RSF1: variants seen among roughly 807,000 people sequenced by gnomAD.
RSF1 encodes the protein HBV pX-associated protein 8.
A neutral mutation model predicts 145.2 loss-of-function variants in RSF1; 13 were observed. The ratio of observed to expected loss-of-function variants is 0.09; its 90% CI spans 0.06 to 0.14. The LOEUF is 0.14. Ranked by LOEUF, RSF1 falls within the 10% of genes least tolerant of loss-of-function variation. The pLI is 1.00. For synonymous variants in RSF1, 577 were observed against 592.6 expected (o/e 0.97, Z 0.38); for missense variants, 1,517 against 1,718.2 (o/e 0.88, Z 2.07).
At chr11:77,754,357 T>G (rs938648690) in intron 2 of RSF1, among the ~76,000 whole-genome samples, 4 of 152,094 alleles carry the variant, frequency 2.6e-5, no homozygotes, top group African/African-American at 9.7e-5. Flanking sequence ...ATCCCAACAC[T>G]TTGGGAGGCT....
At position 77,665,914 on chromosome 11, in the gene RSF1, C is replaced by G. The variant is rs1423151924; in HGVS notation, c.*1003G>C. On this transcript the variant is annotated 3_prime_UTR_variant, in exon 16 of 16. Transcript: ENST00000308488. ...TTAAAATTCACCTGAAAATCTCTTC[C>G]CAGTCTTCAAATGTGCTAAAATATC... 1 of 152,168 alleles carries G rather than the reference C, an allele frequency of 6.6e-6. No individual in the cohort carries two copies. Among genetic ancestry groups the G allele is most frequent in the Non-Finnish European group, 1.5e-5 (1 of 68,030 alleles). The allele number at this position is 152,168 out of a possible 1,614,324, so 9.4% of individuals were successfully genotyped here.
chr11:77,676,665 A>C, intron 13 of RSF1, 127 bp downstream of exon 13: 2 of 684,348 alleles, frequency 2.9e-6, no homozygotes, highest in Non-Finnish European at 4.7e-6. Flanking sequence ...ATATCCTGAA[A>C]ATAAACAGAG....
At chr11:77,788,111 T>TAG (rs1357971169) in intron 1 of RSF1, among the ~76,000 whole-genome samples, 1 of 108,980 alleles carries the variant, frequency 9.2e-6, no homozygotes, top group Non-Finnish European at 1.7e-5. Context: ...CACTGTAGTC[T>TAG]AACCTGGGCA....
intron 5 of RSF1, among the ~76,000 whole-genome samples, chr11:77,708,394 C>A (rs1228952979): frequency 6.6e-6 from 1 of 152,176 alleles, no homozygotes; most frequent in Non-Finnish European, 1.5e-5. Context: ...CACGCCAGTG[C>A]ACTCCAGTCT....
chr11:77,808,768 C>T (rs1356237482), intron 1 of RSF1, among the ~76,000 whole-genome samples: 12 of 105,088 alleles, frequency 1.1e-4, no homozygotes, highest in Non-Finnish European at 5.4e-5. Flanking sequence ...CTCCTGACCT[C>T]GTGATCCGCC....
At chr11:77,700,259 G>A (rs928409690) in intron 6 of RSF1, among the ~76,000 whole-genome samples, 1 of 138,146 alleles carries the variant, frequency 7.2e-6, no homozygotes, top group South Asian at 2.3e-4. Context: ...ACTGAGGCAA[G>A]AGAATCGCTT....
intron 5 of RSF1, among the ~76,000 whole-genome samples, chr11:77,712,781 A>G (rs372655050): frequency 6.6e-6 from 1 of 152,210 alleles, no homozygotes; most frequent in East Asian, 1.9e-4. Flanking sequence ...TTGTACTTAC[A>G]TAAGTCTGAA....
intron 1 of RSF1, among the ~76,000 whole-genome samples, chr11:77,816,579 T>G (rs566140388): frequency 5.9e-5 from 9 of 152,374 alleles, no homozygotes; most frequent in African/African-American, 2.2e-4. Context: ...ACATTATCTG[T>G]ATTTACCTTA....
At chr11:77,788,203 A>G (rs1948479968) in intron 1 of RSF1, among the ~76,000 whole-genome samples, 1 of 148,018 alleles carries the variant, frequency 6.8e-6, no homozygotes, top group Non-Finnish European at 1.5e-5. Flanking sequence ...AAAAAGTAAA[A>G]TATTACCGGG....
In RSF1 at chr11:77,702,270, T is replaced by C. The variant is rs1960444541; in HGVS notation, c.959A>G (p.Lys320Arg). Residue 320 changes from lysine (K) to arginine (R), a missense_variant, in exon 6 of 16, where the codon AAA becomes AGA. Physicochemically the swap from Lys to Arg is conservative, Grantham distance 26 (BLOSUM62 2). This residue lies in a region of RSF1 where 207 missense variants were observed against 191.4 expected (regional missense o/e 1.08). Transcript: ENST00000308488. ...EESDSFKENV[K>R]PIKVEVKECR... ...TTCCTTCACCTCAACTTTAATGGGTTTGACATTTTCCTTGAAGGAATCACT... is the reference window on the plus strand; with the variant it reads ...TTCCTTCACCTCAACTTTAATGGGTCTGACATTTTCCTTGAAGGAATCACT... 1.9e-6 allele frequency: 3 copies of C among 1,609,670 alleles called. No homozygotes were observed. Among genetic ancestry groups the C allele is most frequent in the Non-Finnish European group, 2.5e-6 (3 of 1,179,016 alleles).
chr11:77,790,837 T>C (rs538099664), intron 1 of RSF1, among the ~76,000 whole-genome samples: 7 of 152,274 alleles, frequency 4.6e-5, no homozygotes, highest in African/African-American at 1.7e-4. Flanking sequence ...GTTCCCATGG[T>C]CTTGGGCAGC....
chr11:77,787,819 T>C (rs1442321665), intron 1 of RSF1, among the ~76,000 whole-genome samples: 2 of 132,860 alleles, frequency 1.5e-5, no homozygotes, highest in African/African-American at 6.1e-5. Flanking sequence ...ATTGCTAATG[T>C]ACCTTCAGAA....
rs1481120853 is a variant in RSF1 at position 77,664,225 on chromosome 11, AATCT to A, written c.*2688_*2691del. The A allele has an allele frequency of 6.6e-6, 1 of 152,232 alleles. No individual in the cohort carries two copies. The highest frequency in any genetic ancestry group is 1.5e-5 in the Non-Finnish European group (1 of 68,044). 9.4% of individuals were successfully genotyped at this position (152,232 alleles called of 1,614,324 possible). On this transcript the variant is annotated 3_prime_UTR_variant, in exon 16 of 16. Transcript: ENST00000308488. The stretch of plus-strand genomic sequence containing the variant: ...CACTGCTCAAAATTTAATAATCAAT[AATCT>A]ATCTGCCTAATAATGTTTTATCAAC...
chr11:77,768,312 G>A (rs1289641362), intron 1 of RSF1, among the ~76,000 whole-genome samples: 5 of 151,730 alleles, frequency 3.3e-5, no homozygotes, highest in African/African-American at 9.7e-5. Context: ...ACAGGCGTGC[G>A]CCACCACGCC....
chr11:77,744,905 A>G (rs2135915669), intron 3 of RSF1, among the ~76,000 whole-genome samples: 1 of 152,288 alleles, frequency 6.6e-6, no homozygotes, highest in Non-Finnish European at 1.5e-5. Context: ...GTTTGGTAGA[A>G]TTCAGCTGTG....
rs112777496 is a variant in RSF1 at position 77,711,116 on chromosome 11, C to T, written c.734-8621G>A. Among the ~76,000 whole-genome samples the T allele has an allele frequency of 4.1e-4, 61 of 149,782 alleles. 1 individual carries two copies. The highest frequency in any genetic ancestry group is 1.4e-3 in the African/African-American group (58 of 40,498). On this transcript the variant is annotated intron_variant, in intron 5 of 15. Transcript: ENST00000308488. ...GTTAGGAAACACACACATAGACACC[C>T]CCCCTGACCCCCACACATTTTTAAC...
chr11:77,727,013 C>T (rs548625433), intron 4 of RSF1, among the ~76,000 whole-genome samples: 4 of 152,186 alleles, frequency 2.6e-5, no homozygotes, highest in East Asian at 1.9e-4. Context: ...ATTAAAATGA[C>T]AATCAATTAT....
the RSF1 span, among the ~76,000 whole-genome samples, chr11:77,827,342 G>A: frequency 6.6e-6 from 1 of 152,094 alleles, no homozygotes; most frequent in African/African-American, 2.4e-5. Context: ...ATATCACAAG[G>A]AAAGCCCAAT....
At position 77,676,991 on chromosome 11, in the gene RSF1, G is replaced by C; in HGVS notation, c.3142C>G (p.Arg1048Gly). The C allele has an allele frequency of 6.2e-7, 1 of 1,612,466 alleles. No homozygotes were observed. The highest frequency in any genetic ancestry group is 8.5e-7 in the Non-Finnish European group (1 of 1,179,378). Residue 1048 changes from arginine to glycine, a missense_variant, in exon 13 of 16, where the codon CGA (arginine) becomes GGA (glycine). This residue lies in a region of RSF1 where 231 missense variants were observed against 276.6 expected (regional missense o/e 0.84). Transcript: ENST00000308488. ...GTGATGGTGGAGATATCTTTTCCTCGGCCAACTCCTGAATTTGGGGGAGGG... is the reference window on the plus strand; with the variant it reads ...GTGATGGTGGAGATATCTTTTCCTCCGCCAACTCCTGAATTTGGGGGAGGG... ...IKEADGGGVGRGKDISTITGH... is the reference protein window; with the variant it reads ...IKEADGGGVGGGKDISTITGH...
Sources: allele counts gnomAD v4.1 joint callset (sites outside exome capture counted in the v4.1 genomes callset), GRCh38; gene constraint gnomAD v4.1.1; regional missense constraint gnomAD v4.1.1; transcripts MANE v1.5; gene names NCBI Gene and HGNC (gene_info 2026-07-23, HGNC 2026-07-21).